The following NELFCD variants were observed in gnomAD, a reference collection of about 807,000 sequenced individuals.
NELFCD encodes the protein negative elongation factor C/D.
NELFCD carries 48 observed loss-of-function variants against 72.9 expected under a neutral mutation model. The observed-to-expected ratio is 0.66, with a 90% confidence interval of 0.52 to 0.84. The LOEUF is 0.84. Among genes scored for constraint, NELFCD ranks in the 40% least tolerant of loss-of-function variants. The probability of loss-of-function intolerance (pLI) is 0.00; values close to 1 mark genes in which losing one functional copy is unlikely to be tolerated. For missense variants in NELFCD, 538 were observed against 723.8 expected (o/e 0.74, Z 2.94); for synonymous variants, 297 against 280.6 (o/e 1.06, Z -0.59).
intron 5 of NELFCD, 157 bp from the exon 6 acceptor site, chr20:58,989,331 C>T: frequency 2.4e-6 from 2 of 848,766 alleles, no homozygotes; most frequent in Non-Finnish European, 3.7e-6. Context: ...GCCCAGGGCA[C>T]ACACCTAGGT....
At chr20:58,983,868 T>G (rs1021462443) in intron 1 of NELFCD, among the ~76,000 whole-genome samples, 17 of 152,040 alleles carry the variant, frequency 1.1e-4, no homozygotes, top group African/African-American at 4.1e-4. Flanking sequence ...GATGGGAGAT[T>G]GGGGAGTCTC....
intron 1 of NELFCD, among the ~76,000 whole-genome samples, chr20:58,982,699 G>T (rs1262880887): frequency 6.6e-6 from 1 of 152,176 alleles, no homozygotes; most frequent in African/African-American, 2.4e-5. Flanking sequence ...TAGGGAGCAG[G>T]TTCTGAAGAT....
intron 9 of NELFCD, 46 bp from the exon 10 acceptor site, chr20:58,991,835 G>T: frequency 1.3e-6 from 2 of 1,598,404 alleles, no homozygotes; most frequent in East Asian, 2.2e-5. Flanking sequence ...CCGACAGCAG[G>T]GATATCTGCC....
rs746243756 is a variant in NELFCD, at chr20:58,990,934, A to G, written c.813A>G (p.Thr271=). 1.9e-6 allele frequency: 3 copies of G among 1,614,186 alleles called. No individual in the cohort carries two copies. The highest frequency in any genetic ancestry group is 2.5e-6 in the Non-Finnish European group (3 of 1,180,004). ...QEKGHDASQI[T]LALGTAASYP... ...GAGGTCATGACGCCAGTCAGATCACACTAGCCTTGGGCACAGCTGCCTCCT... is the reference window on the plus strand; with the variant it reads ...GAGGTCATGACGCCAGTCAGATCACGCTAGCCTTGGGCACAGCTGCCTCCT... The change falls in exon 8 of 15, where the codon ACA becomes ACG. Residue 271 remains threonine, a synonymous_variant. Transcript: ENST00000652272.
In NELFCD at chr20:58,986,466, C is replaced by G; in HGVS notation, c.176+258C>G. The G allele has an allele frequency of 1.8e-6, 1 of 556,984 alleles. No homozygotes were observed. The highest frequency in any genetic ancestry group is 3.1e-6 in the Non-Finnish European group (1 of 318,794). 34.5% of individuals were successfully genotyped at this position (556,984 alleles called of 1,614,324 possible). On this transcript the variant is annotated intron_variant, in intron 2 of 14. Coordinates refer to ENST00000652272, the MANE Select transcript of NELFCD (RefSeq NM_198976.4). The surrounding 1 kb of genome is among the most constrained non-coding windows in gnomAD (Gnocchi z 4.4). ...AAGCAGTTCTCCCACCTCAGCCTTG[C>G]AAGGTGGCCACCACAGGCGTCTGCC...
At chr20:58,990,257 G>A (rs563663976) in intron 7 of NELFCD, 23 of 396,204 alleles carry the variant, frequency 5.8e-5, no homozygotes, top group East Asian at 5.7e-4. Flanking sequence ...AAAATTAGCC[G>A]GGTGTGGCGG....
chr20:58,989,976 T>C lies in NELFCD; in HGVS notation c.776T>C (p.Phe259Ser). 1 of 1,613,126 alleles carries C rather than the reference T, an allele frequency of 6.2e-7. No individual in the cohort carries two copies. Among genetic ancestry groups the C allele is most frequent in the Non-Finnish European group, 8.5e-7 (1 of 1,180,040 alleles). ...AGGATCGCCCAGGAAGTGCAGCGCTTTGCCCAGGAGAAGTGAGAGGCCCTG... is the reference window on the plus strand; with the variant it reads ...AGGATCGCCCAGGAAGTGCAGCGCTCTGCCCAGGAGAAGTGAGAGGCCCTG... ...VRRIAQEVQR[F>S]AQEKGHDASQ... Residue 259 changes from phenylalanine to serine, a missense_variant, in exon 7 of 15, where the codon TTT becomes TCT. Phe to Ser is a radical substitution (Grantham distance 155, BLOSUM62 -2). Coordinates refer to ENST00000652272, the MANE Select transcript of NELFCD (RefSeq NM_198976.4).
rs780710334 is a variant in NELFCD at position 58,988,905 on chromosome 20, T to G, written c.397-9T>G. On this transcript the variant is annotated splice_polypyrimidine_tract_variant and intron_variant, in intron 4 of 14. Coordinates refer to ENST00000652272, the MANE Select transcript of NELFCD (RefSeq NM_198976.4). ...CCTCCTATCTTGCTGTTTGTGTGTG[T>G]GTTGGCAGACCCCAGCGTGGCTGGA... is the stretch of plus-strand genomic sequence containing the variant. 1 of 1,608,538 alleles carries G rather than the reference T, an allele frequency of 6.2e-7. No homozygotes were observed. Among genetic ancestry groups the G allele is most frequent in the Admixed American group, 1.7e-5 (1 of 59,990 alleles).
chr20:58,983,791 C>T (rs2091753525), intron 1 of NELFCD, among the ~76,000 whole-genome samples: 2 of 152,136 alleles, frequency 1.3e-5, no homozygotes, highest in Admixed American at 1.3e-4. Context: ...TAATCAGTAC[C>T]TTCACTTTAT....
Position 58,981,282 on chromosome 20 carries a change from C to G in NELFCD, c.-28C>G. 9.3e-7 allele frequency: 1 copy of G among 1,071,890 alleles called. No homozygotes were observed. The highest frequency in any genetic ancestry group is 1.1e-6 in the Non-Finnish European group (1 of 883,948). 66.4% of individuals were successfully genotyped at this position (1,071,890 alleles called of 1,614,324 possible). A position where few individuals can be genotyped will look rare whatever the true frequency, so the allele number is the denominator to read the frequency against. On this transcript the variant is annotated 5_prime_UTR_variant, in exon 1 of 15. Transcript: ENST00000652272. ...TGCGCCGCGCTCGCTCGCGGGAGGGCATGGCGGGGGCCGTGCCGGGCGCCA... is the reference window on the plus strand; with the variant it reads ...TGCGCCGCGCTCGCTCGCGGGAGGGGATGGCGGGGGCCGTGCCGGGCGCCA...
At chr20:58,994,569 A>G (rs2146358016) in intron 14 of NELFCD, 73 bp from the exon 15 acceptor site, 5 of 1,319,552 alleles carry the variant, frequency 3.8e-6, no homozygotes, top group Non-Finnish European at 5.3e-6. Flanking sequence ...TCTCAAAAAA[A>G]AAAAAAAAAA....
At chr20:58,984,881 G>C (rs1389839421) in intron 1 of NELFCD, among the ~76,000 whole-genome samples, 1 of 152,198 alleles carries the variant, frequency 6.6e-6, no homozygotes. Context: ...AATGAAGCTC[G>C]GGGTGAAGTC....
At chr20:58,982,452 G>C (rs1219552209) in intron 1 of NELFCD, among the ~76,000 whole-genome samples, 2 of 152,066 alleles carry the variant, frequency 1.3e-5, no homozygotes, top group Non-Finnish European at 2.9e-5. Flanking sequence ...GCCACTGCTC[G>C]TGGCCCAGGA....
At chr20:58,984,353 A>G (rs536744790) in intron 1 of NELFCD, among the ~76,000 whole-genome samples, 1 of 152,306 alleles carries the variant, frequency 6.6e-6, no homozygotes, top group Admixed American at 6.5e-5. Flanking sequence ...CACTGTGGCC[A>G]CGGTGTGAAA....
In NELFCD at chr20:58,991,022, A is replaced by G; in HGVS notation, c.901A>G (p.Ile301Val). ...LSKGALNPAD[I>V]TVLFKMFTSM... ...CAAAGGAGCCCTGAACCCTGCTGACATCACCGTCCTGTTCAAGATGTTCAC... is the reference window on the plus strand; with the variant it reads ...CAAAGGAGCCCTGAACCCTGCTGACGTCACCGTCCTGTTCAAGATGTTCAC... The change falls in exon 8 of 15, where the codon ATC becomes GTC. Residue 301 changes from isoleucine (I) to valine (V), a missense_variant. Transcript: ENST00000652272. 3 of 1,614,194 alleles carry G rather than the reference A, an allele frequency of 1.9e-6. No individual in the cohort carries two copies. The highest frequency in any genetic ancestry group is 2.5e-6 in the Non-Finnish European group (3 of 1,180,034).
chr20:58,991,469 G>C (rs761654688), intron 9 of NELFCD, 23 bp downstream of exon 9: 2 of 1,613,214 alleles, frequency 1.2e-6, no homozygotes, highest in South Asian at 2.2e-5. Context: ...CTGGGAATTT[G>C]TGGATTTTTT....
chr20:58,990,016 T>G (rs1484268016), intron 7 of NELFCD, 28 bp downstream of exon 7: 1 of 1,606,960 alleles, frequency 6.2e-7, no homozygotes, highest in Non-Finnish European at 8.5e-7. Context: ...TGCTCAGCCC[T>G]TCCTTCCTAG....
At position 58,993,805 on chromosome 20, in the gene NELFCD, C is replaced by T; in HGVS notation, c.1581+41C>T. 6.2e-7 allele frequency: 1 copy of T among 1,601,632 alleles called. No individual in the cohort carries two copies. The highest frequency in any genetic ancestry group is 8.5e-7 in the Non-Finnish European group (1 of 1,171,698). Reference sequence around the variant, plus strand: ...TTGGTTTCATGTTTCATACTGTTTACACTAGCACTGCCCTTTTTGGCTTAA... The same window carrying T: ...TTGGTTTCATGTTTCATACTGTTTATACTAGCACTGCCCTTTTTGGCTTAA... On this transcript the variant is annotated intron_variant, in intron 13 of 14. Coordinates refer to ENST00000652272, the MANE Select transcript of NELFCD (RefSeq NM_198976.4). This position sits in a 1 kb window ranked among gnomAD's most constrained non-coding sequence, Gnocchi z 5.0.
intron 1 of NELFCD, among the ~76,000 whole-genome samples, chr20:58,982,027 TC>T (rs11478072): frequency 0.14 from 20,598 of 151,668 alleles, 1,682 homozygotes; most frequent in South Asian, 0.19. Context: ...GGACAGTGTG[TC>T]CCCACCTTAC....
Sources: allele counts gnomAD v4.1 joint callset (sites outside exome capture counted in the v4.1 genomes callset), GRCh38; gene constraint gnomAD v4.1.1; non-coding constraint Gnocchi (gnomAD v3.1); transcripts MANE v1.5; gene names NCBI Gene and HGNC (gene_info 2026-07-23, HGNC 2026-07-21).